Variants in CAST observed in about 807,000 individuals in gnomAD.
The protein encoded by CAST is calpastatin, also known as MIR583 host.
CAST carries 76 observed loss-of-function variants against 119.6 expected under a neutral mutation model. That is an observed-to-expected ratio of 0.64 (90% CI 0.53 to 0.77). The LOEUF (loss-of-function observed/expected upper bound fraction) is 0.77, where lower values mean the gene tolerates loss of function less well. CAST is among the 30% of genes least tolerant of loss of function. CAST has a pLI of 0.00. For synonymous variants in CAST, 319 were observed against 331.6 expected (o/e 0.96, Z 0.41); for missense variants, 953 against 946.5 (o/e 1.01, Z -0.09).
the CAST span, among the ~76,000 whole-genome samples, chr5:96,204,686 C>A: frequency 5.3e-5 from 8 of 152,000 alleles, no homozygotes; most frequent in African/African-American, 1.9e-4. Context: ...TCCCAGGAGG[C>A]CCACAGAAAG....
rs887866265 is a variant in CAST at position 96,773,475 on chromosome 5, C to T, written c.*859C>T. On this transcript the variant is annotated 3_prime_UTR_variant, in exon 32 of 32. Coordinates refer to ENST00000675179, the MANE Select transcript of CAST (RefSeq NM_001750.7). ...TAAACTGTGCTTTCTATTATCTATA[C>T]ATAAAACCTGAGCAGCAACTGTGTC... is the stretch of plus-strand genomic sequence containing the variant. The T allele has an allele frequency of 6.6e-6, 1 of 152,316 alleles. No homozygotes were observed. Among genetic ancestry groups the T allele is most frequent in the African/African-American group, 2.4e-5 (1 of 41,450 alleles). 9.4% of individuals were successfully genotyped at this position (152,316 alleles called of 1,614,324 possible).
chr5:96,223,330 C>T, the CAST span, among the ~76,000 whole-genome samples: 2 of 152,026 alleles, frequency 1.3e-5, no homozygotes, highest in Non-Finnish European at 2.9e-5. Flanking sequence ...TTAAATAGTA[C>T]TTAAAATGCA....
chr5:96,303,368 T>C, the CAST span, among the ~76,000 whole-genome samples: 84,452 of 152,034 alleles, frequency 0.56, 24,283 homozygotes, highest in Non-Finnish European at 0.63. Context: ...GTCTTAACAG[T>C]TTTCTTTTGT....
the CAST span, among the ~76,000 whole-genome samples, chr5:96,030,281 G>A: frequency 6.6e-4 from 100 of 152,210 alleles, no homozygotes; most frequent in Middle Eastern, 0.01. Context: ...GTCAAGATAG[G>A]ATGATAGAAC....
At chr5:96,495,590 C>T in the CAST span, among the ~76,000 whole-genome samples, 1 of 152,120 alleles carries the variant, frequency 6.6e-6, no homozygotes, top group African/African-American at 2.4e-5. Flanking sequence ...TTGCAAAGAA[C>T]ATGAACTCCT....
chr5:96,143,484 G>A, the CAST span, among the ~76,000 whole-genome samples: 3 of 152,224 alleles, frequency 2.0e-5, no homozygotes, highest in Non-Finnish European at 2.9e-5. Context: ...TACAGAAGCT[G>A]TGACCCAGAA....
At chr5:95,999,583 A>T in the CAST span, among the ~76,000 whole-genome samples, 7 of 152,102 alleles carry the variant, frequency 4.6e-5, no homozygotes, top group Non-Finnish European at 1.0e-4. Context: ...ATTTCAAGCG[A>T]TTCTCCTGTC....
At chr5:96,530,590 A>G (rs1353003755) in intron 1 of CAST, among the ~76,000 whole-genome samples, 1 of 152,150 alleles carries the variant, frequency 6.6e-6, no homozygotes, top group East Asian at 1.9e-4. Context: ...AAAAGAGTAC[A>G]GAGAAGAAAC....
the CAST span, among the ~76,000 whole-genome samples, chr5:96,046,139 G>A: frequency 2.0e-5 from 3 of 152,270 alleles, no homozygotes; most frequent in Admixed American, 6.5e-5. Context: ...AGTAGAATGA[G>A]ATAGGGGAGA....
intron 16 of CAST, among the ~76,000 whole-genome samples, chr5:96,745,037 G>A (rs1763472315): frequency 6.6e-6 from 1 of 152,092 alleles, no homozygotes; most frequent in Non-Finnish European, 1.5e-5. Flanking sequence ...GATCAAAGAG[G>A]AAAATAAAAG....
intron 2 of CAST, among the ~76,000 whole-genome samples, chr5:96,694,213 A>G (rs1042774541): frequency 2.0e-5 from 3 of 152,264 alleles, no homozygotes; most frequent in African/African-American, 7.2e-5. Flanking sequence ...TATTTGTTGC[A>G]TAGACATAGA....
rs745798050 is a variant in CAST at position 96,730,758 on chromosome 5, C to A, written c.550-22C>A. On this transcript the variant is annotated intron_variant, in intron 8 of 31. Coordinates refer to ENST00000675179, the MANE Select transcript of CAST (RefSeq NM_001750.7). ...ATGCAGAGATACTTAGCTCTGTCAA[C>A]CTTTTATCCTCACTGTCTTAGACTA... is the stretch of plus-strand genomic sequence containing the variant. 5.7e-6 allele frequency: 9 copies of A among 1,584,582 alleles called. 2 individuals carry two copies. In the South Asian group the frequency reaches 8.8e-5, roughly 16 times the overall value.
chr5:96,410,144 C>T, the CAST span, among the ~76,000 whole-genome samples: 2 of 152,044 alleles, frequency 1.3e-5, no homozygotes, highest in African/African-American at 4.8e-5. Context: ...ATCGTCATGC[C>T]CTTGAAGGGA....
intron 2 of CAST, among the ~76,000 whole-genome samples, chr5:96,684,834 T>C (rs1373699915): frequency 6.6e-6 from 1 of 152,274 alleles, no homozygotes; most frequent in East Asian, 1.9e-4. Flanking sequence ...ACTCCCAAAG[T>C]GCTGGGATTA....
chr5:96,116,760 A>G, the CAST span, among the ~76,000 whole-genome samples: 216 of 152,282 alleles, frequency 1.4e-3, no homozygotes, highest in African/African-American at 4.9e-3. Flanking sequence ...TCTTTAGCTT[A>G]CTTTTTTAAA....
At chr5:96,275,466 G>T in the CAST span, among the ~76,000 whole-genome samples, 1 of 152,204 alleles carries the variant, frequency 6.6e-6, no homozygotes, top group Non-Finnish European at 1.5e-5. Flanking sequence ...ATGTCATCCA[G>T]TTGGCTGCTG....
chr5:96,106,740 C>T, the CAST span, among the ~76,000 whole-genome samples: 4 of 151,738 alleles, frequency 2.6e-5, no homozygotes, highest in South Asian at 2.1e-4. Flanking sequence ...CTATTAGGTC[C>T]ACTTGGTGCA....
At chr5:96,267,048 T>G in the CAST span, among the ~76,000 whole-genome samples, 1 of 152,086 alleles carries the variant, frequency 6.6e-6, no homozygotes, top group Non-Finnish European at 1.5e-5. Flanking sequence ...TATTAGAGGC[T>G]CTCAATAGCA....
At chr5:96,708,646 A>G (rs953599008) in intron 3 of CAST, among the ~76,000 whole-genome samples, 1 of 152,106 alleles carries the variant, frequency 6.6e-6, no homozygotes, top group African/African-American at 2.4e-5. Context: ...GAGAGCCACC[A>G]TGCCTGGCTC....
Sources: allele counts gnomAD v4.1 joint callset (sites outside exome capture counted in the v4.1 genomes callset), GRCh38; gene constraint gnomAD v4.1.1; transcripts MANE v1.5; gene names NCBI Gene and HGNC (gene_info 2026-07-23, HGNC 2026-07-21).